The following SDK1 variants were observed in gnomAD, a reference collection of about 807,000 sequenced individuals.
SDK1 encodes the protein sidekick cell adhesion molecule 1.
SDK1 carries 157 observed loss-of-function variants against 245.5 expected under a neutral mutation model. That is an observed-to-expected ratio of 0.64 (90% CI 0.56 to 0.73). The LOEUF is 0.73. SDK1 is among the 30% of genes least tolerant of loss of function. The pLI, the probability that SDK1 is intolerant of heterozygous loss-of-function variation, is 0.00. For missense variants in SDK1, 3,583 were observed against 3,002.3 expected (o/e 1.19, Z -4.52); for synonymous variants, 1,647 against 1,278.5 (o/e 1.29, Z -6.15).
At chr7:4,249,805 C>T (rs1469598255) in intron 44 of SDK1, among the ~76,000 whole-genome samples, 23 of 152,166 alleles carry the variant, frequency 1.5e-4, no homozygotes, top group Non-Finnish European at 2.9e-5. Context: ...GGACTTAGAT[C>T]GTTTTGGAAG....
intron 1 of SDK1, among the ~76,000 whole-genome samples, chr7:3,590,941 C>T (rs180894450): frequency 1.1e-3 from 171 of 152,156 alleles, no homozygotes; most frequent in African/African-American, 3.9e-3. Flanking sequence ...TGCCACCACA[C>T]GTGGCTAATT....
At chr7:3,455,581 T>A (rs761579531) in intron 1 of SDK1, among the ~76,000 whole-genome samples, 29 of 152,132 alleles carry the variant, frequency 1.9e-4, no homozygotes, top group Non-Finnish European at 3.7e-4. Context: ...TGTAAAAAAT[T>A]AGCTGGGCAT....
chr7:4,071,790 G>A (rs371250524), intron 20 of SDK1, among the ~76,000 whole-genome samples: 10 of 152,276 alleles, frequency 6.6e-5, no homozygotes, highest in African/African-American at 2.2e-4. Flanking sequence ...GGGGCTGCCC[G>A]GGTAGGAAAG....
At chr7:3,487,957 G>C (rs1204784706) in intron 1 of SDK1, among the ~76,000 whole-genome samples, 1 of 152,032 alleles carries the variant, frequency 6.6e-6, no homozygotes, top group Non-Finnish European at 1.5e-5. Context: ...TGTAGCATCT[G>C]TGTCTGTGGT....
chr7:3,765,230 G>T (rs568752600), intron 4 of SDK1, among the ~76,000 whole-genome samples: 1 of 152,086 alleles, frequency 6.6e-6, no homozygotes, highest in Non-Finnish European at 1.5e-5. Flanking sequence ...TTTCTGAGAT[G>T]CATCCATATA....
At chr7:4,258,160 G>C (rs1339459102) in intron 44 of SDK1, among the ~76,000 whole-genome samples, 1 of 152,224 alleles carries the variant, frequency 6.6e-6, no homozygotes, top group East Asian at 1.9e-4. Context: ...TACAAGCCGT[G>C]AAGGAAATGG....
intron 1 of SDK1, among the ~76,000 whole-genome samples, chr7:3,481,793 T>G (rs1781530865): frequency 6.6e-6 from 1 of 152,224 alleles, no homozygotes. Flanking sequence ...ATGGCATTAT[T>G]TGGTTTTACT....
chr7:3,780,237 G>C (rs562135566), intron 4 of SDK1, among the ~76,000 whole-genome samples: 1 of 152,188 alleles, frequency 6.6e-6, no homozygotes, highest in African/African-American at 2.4e-5. Context: ...GGATTTCCCT[G>C]GACCAACAGT....
At chr7:3,912,603 T>C (rs1192593451) in intron 5 of SDK1, among the ~76,000 whole-genome samples, 1 of 152,160 alleles carries the variant, frequency 6.6e-6, no homozygotes, top group Non-Finnish European at 1.5e-5. Context: ...CTCCTCCAAA[T>C]ACCTCCCTCT....
At chr7:3,656,183 T>A (rs1013748257) in intron 4 of SDK1, among the ~76,000 whole-genome samples, 6 of 152,190 alleles carry the variant, frequency 3.9e-5, no homozygotes, top group South Asian at 2.1e-4. Flanking sequence ...TGTAAGTAGA[T>A]ATGCCCCCTC....
intron 5 of SDK1, among the ~76,000 whole-genome samples, chr7:3,921,132 A>G (rs1779571005): frequency 6.6e-6 from 1 of 152,216 alleles, no homozygotes; most frequent in Non-Finnish European, 1.5e-5. Flanking sequence ...GAAAGGACAT[A>G]TATGTAACTC....
At chr7:3,549,420 G>A (rs936892974) in intron 1 of SDK1, among the ~76,000 whole-genome samples, 1 of 152,176 alleles carries the variant, frequency 6.6e-6, no homozygotes, top group Non-Finnish European at 1.5e-5. Flanking sequence ...TTTGTGAGTT[G>A]CTATCTTAAC....
rs761314662 is a variant in SDK1 at position 4,132,369 on chromosome 7, A to G, written c.4174A>G (p.Thr1392Ala). 4 of 1,612,094 alleles carry G rather than the reference A, an allele frequency of 2.5e-6. No homozygotes were observed. In the East Asian group the frequency reaches 6.7e-5, roughly 27 times the overall value. ...VRLVFPEVRL[T>A]SVRIVWQPPE... is the part of the protein sequence containing the mutation. ...GCTCGTGTTCCCCGAAGTGAGACTC[A>G]CCTCCGTGCGGATAGTGTGGCAACC... Residue 1392 changes from threonine (T) to alanine (A), a missense_variant, in exon 28 of 45, where the codon ACC becomes GCC. Thr to Ala is a moderately conservative substitution (Grantham distance 58). Coordinates refer to ENST00000404826, the MANE Select transcript of SDK1 (RefSeq NM_152744.4).
At chr7:3,414,782 A>G (rs1779315661) in intron 1 of SDK1, among the ~76,000 whole-genome samples, 1 of 151,860 alleles carries the variant, frequency 6.6e-6, no homozygotes, top group African/African-American at 2.4e-5. Flanking sequence ...CCGCTAATCT[A>G]CTTGCTGTAT....
At chr7:4,187,156 G>T (rs986624687) in intron 35 of SDK1, among the ~76,000 whole-genome samples, 28 of 152,152 alleles carry the variant, frequency 1.8e-4, no homozygotes, top group Non-Finnish European at 2.9e-5. Flanking sequence ...CATGAGGCAC[G>T]GGGGCCAAGT....
At chr7:4,115,424 C>T (rs910451885) in intron 25 of SDK1, among the ~76,000 whole-genome samples, 1 of 152,180 alleles carries the variant, frequency 6.6e-6, no homozygotes, top group Non-Finnish European at 1.5e-5. Context: ...ACAAGACTCC[C>T]CCACTCCTTC....
At chr7:3,943,298 G>C (rs1251408640) in intron 5 of SDK1, among the ~76,000 whole-genome samples, 1 of 60,444 alleles carries the variant, frequency 1.7e-5, no homozygotes, top group East Asian at 4.5e-4. Flanking sequence ...TCTGAGCTGT[G>C]GCCGGACTTC....
In SDK1 at chr7:4,051,622, C is replaced by T. The variant is rs1789485529; in HGVS notation, c.2719-16C>T. ...CATTGAAAACAGGCTGTCTTTTTCA[C>T]CCTGTTCCATCTCAGCTTCTGGCAT... On this transcript the variant is annotated splice_polypyrimidine_tract_variant and intron_variant, in intron 18 of 44. Coordinates refer to ENST00000404826, the MANE Select transcript of SDK1 (RefSeq NM_152744.4). 1 of 1,604,576 alleles carries T rather than the reference C, an allele frequency of 6.2e-7. No homozygotes were observed.
intron 1 of SDK1, among the ~76,000 whole-genome samples, chr7:3,376,009 T>A (rs754225499): frequency 5.3e-5 from 8 of 152,154 alleles, no homozygotes; most frequent in Non-Finnish European, 1.2e-4. Flanking sequence ...AAAAAATAAG[T>A]TGGATTCTTA....
Sources: gnomAD v4.1 joint callset for allele counts (sites outside exome capture counted in the v4.1 genomes callset) on GRCh38, gnomAD v4.1.1 for gene constraint, MANE v1.5 for transcripts, NCBI Gene and HGNC (gene_info 2026-07-23, HGNC 2026-07-21) for gene names.